The following CDC20B variants were observed in gnomAD, a reference collection of about 807,000 sequenced individuals.
CDC20B encodes the protein cell division cycle 20B.
CDC20B carries 58 observed loss-of-function variants against 64.1 expected under a neutral mutation model. The ratio of observed to expected loss-of-function variants is 0.90; its 90% CI spans 0.73 to 1.13. The LOEUF (loss-of-function observed/expected upper bound fraction) is 1.13. Among genes scored for constraint, CDC20B ranks in the 50% most tolerant of loss-of-function variants. The pLI, the probability that CDC20B is intolerant of heterozygous loss-of-function variation, is 0.00. For missense variants in CDC20B, 597 were observed against 633.0 expected (o/e 0.94, Z 0.61); for synonymous variants, 243 against 230.6 (o/e 1.05, Z -0.49).
At chr5:55,116,441 A>G (rs1742628506) in intron 11 of CDC20B, among the ~76,000 whole-genome samples, 2 of 151,996 alleles carry the variant, frequency 1.3e-5, no homozygotes, top group African/African-American at 4.8e-5. Flanking sequence ...ACATTACTCT[A>G]ATGCTTTTAT....
chr5:55,173,106 G>GGGGACGGGACTCC lies in CDC20B; in HGVS notation c.-107_-106insGGAGTCCCGTCCC. The GGGGACGGGACTCC allele has an allele frequency of 1.1e-6, 1 of 923,304 alleles. No individual in the cohort carries two copies. Among genetic ancestry groups the GGGGACGGGACTCC allele is most frequent in the Non-Finnish European group, 1.7e-6 (1 of 587,846 alleles). The allele number at this position is 923,304 out of a possible 1,614,324, so 57.2% of individuals were successfully genotyped here. On this transcript the variant is annotated 5_prime_UTR_variant, in exon 1 of 12. The change abolishes the stop of an existing upstream ORF in the 5' untranslated region. Transcript: ENST00000381375. The stretch of plus-strand genomic sequence containing the variant: ...TTGACGCCTAATCGTCAAACCCCTG[G>GGGGACGGGACTCC]AGTCCCGTCCCCCAGGACCATTCTA...
At chr5:55,168,638 A>G (rs1561098102) in intron 2 of CDC20B, among the ~76,000 whole-genome samples, 1 of 152,006 alleles carries the variant, frequency 6.6e-6, no homozygotes, top group African/African-American at 2.4e-5. Context: ...TCTTCTGTTT[A>G]TTGAATATAA....
chr5:55,171,970 G>A (rs1004703139), intron 2 of CDC20B, among the ~76,000 whole-genome samples: 2 of 152,180 alleles, frequency 1.3e-5, no homozygotes, highest in Non-Finnish European at 2.9e-5. Flanking sequence ...TAGAATCTCT[G>A]CGTACAGGTC....
At chr5:55,137,814 AT>A (rs1489958849) in intron 5 of CDC20B, among the ~76,000 whole-genome samples, 1 of 152,188 alleles carries the variant, frequency 6.6e-6, no homozygotes, top group Non-Finnish European at 1.5e-5. Flanking sequence ...GAGCCCAATA[AT>A]TTTCTAGACA....
At chr5:55,156,734 C>T (rs1247715388) in intron 2 of CDC20B, among the ~76,000 whole-genome samples, 2 of 152,042 alleles carry the variant, frequency 1.3e-5, no homozygotes, top group African/African-American at 4.8e-5. Flanking sequence ...ATTAGCCGGG[C>T]ATTTTGGCGC....
intron 2 of CDC20B, among the ~76,000 whole-genome samples, chr5:55,151,089 G>GA (rs1743655280): frequency 6.6e-6 from 1 of 152,058 alleles, no homozygotes; most frequent in Non-Finnish European, 1.5e-5. Context: ...TCTCCGCTAA[G>GA]AAAAAAACCG....
Position 55,114,152 on chromosome 5 carries a change from A to T in CDC20B, c.*66T>A. Reference sequence around the variant, plus strand: ...TGATACTCATAAAAACCCCATGGAGAAGACATAGCCAACATCATCATCTTC... The same window carrying T: ...TGATACTCATAAAAACCCCATGGAGTAGACATAGCCAACATCATCATCTTC... On this transcript the variant is annotated 3_prime_UTR_variant, in exon 12 of 12. Coordinates refer to ENST00000381375, the MANE Select transcript of CDC20B (RefSeq NM_001170402.1). The surrounding 1 kb of genome is among the most constrained non-coding windows in gnomAD (Gnocchi z 4.1). 6.4e-7 allele frequency: 1 copy of T among 1,554,644 alleles called. No homozygotes were observed. Among genetic ancestry groups the T allele is most frequent in the South Asian group, 1.2e-5 (1 of 83,588 alleles).
intron 5 of CDC20B, among the ~76,000 whole-genome samples, chr5:55,139,641 TG>T (rs1225925321): frequency 6.6e-6 from 1 of 152,348 alleles, no homozygotes; most frequent in East Asian, 1.9e-4. Context: ...GAATAATAGT[TG>T]TGTAGTAATA....
intron 9 of CDC20B, among the ~76,000 whole-genome samples, chr5:55,124,359 G>A (rs1014415832): frequency 2.6e-5 from 4 of 152,054 alleles, no homozygotes; most frequent in African/African-American, 4.8e-5. Flanking sequence ...CTTATCCAGC[G>A]CCCATCTGGA....
intron 6 of CDC20B, among the ~76,000 whole-genome samples, chr5:55,129,359 T>C (rs1345394619): frequency 6.6e-6 from 1 of 151,748 alleles, no homozygotes; most frequent in Non-Finnish European, 1.5e-5. Context: ...AGTAAGGGAG[T>C]CAAAATTTGG....
chr5:55,169,622 AG>A (rs1744522142), intron 2 of CDC20B, among the ~76,000 whole-genome samples: 7 of 152,366 alleles, frequency 4.6e-5, no homozygotes, highest in Admixed American at 4.6e-4. Context: ...CAGAAAATGA[AG>A]TGAAAGGATT....
intron 1 of CDC20B, 112 bp downstream of exon 1, chr5:55,172,826 G>T (rs920802133): frequency 3.7e-6 from 4 of 1,075,232 alleles, no homozygotes; most frequent in Admixed American, 2.9e-5. Flanking sequence ...TCAAATTTAC[G>T]ACCAGGGCTT....
In CDC20B at chr5:55,146,764, A is replaced by C. The variant is rs781445947; in HGVS notation, c.219T>G (p.Ile73Met). Residue 73 changes from isoleucine (I) to methionine (M), a missense_variant, in exon 3 of 12, where the codon ATT (isoleucine) becomes ATG (methionine). This residue lies in a region of CDC20B where 241 missense variants were observed against 219.2 expected (regional missense o/e 1.10). Transcript: ENST00000381375. ...SAEVPVASSPITTRWQQSQTR... is the reference protein window; with the variant it reads ...SAEVPVASSPMTTRWQQSQTR... ...TTTGACTTTGCTGCCACCTTGTGGT[A>C]ATGGGGCTACTCGCAACAGGAACCT... 4 of 1,614,120 alleles carry C rather than the reference A, an allele frequency of 2.5e-6. No individual in the cohort carries two copies. Among genetic ancestry groups the C allele is most frequent in the Non-Finnish European group, 2.5e-6 (3 of 1,180,018 alleles).
chr5:55,144,106 T>A (rs1039439294), intron 3 of CDC20B, among the ~76,000 whole-genome samples: 1 of 152,198 alleles, frequency 6.6e-6, no homozygotes, highest in African/African-American at 2.4e-5. Context: ...ATGGTCATCC[T>A]GCAAGGAAAA....
At chr5:55,140,059 T>C (rs1743288868) in intron 5 of CDC20B, among the ~76,000 whole-genome samples, 1 of 151,906 alleles carries the variant, frequency 6.6e-6, no homozygotes, top group Non-Finnish European at 1.5e-5. Context: ...GAAATAGTAG[T>C]TTACCAATAT....
chr5:55,150,437 C>A (rs185294302), intron 2 of CDC20B, among the ~76,000 whole-genome samples: 1 of 152,194 alleles, frequency 6.6e-6, no homozygotes, highest in African/African-American at 2.4e-5. Flanking sequence ...GCCTGCAGCC[C>A]CCAGGGGGCG....
In CDC20B at chr5:55,128,432, C is replaced by A; in HGVS notation, c.883G>T (p.Gly295Ter). The stretch of plus-strand genomic sequence containing the variant: ...AAACTGGCCAGTACTTGCACTTCTC[C>A]CTCGCTGGTGCCAACTGCCAGGCAA... ...GTCLAVGTSE[G>*]EVQLWDVVTK... The change falls in exon 7 of 12, where the codon GGA becomes TGA. Residue 295 changes from glycine (G) to a stop codon, truncating the protein, a stop_gained. Coordinates refer to ENST00000381375, the MANE Select transcript of CDC20B (RefSeq NM_001170402.1). LOFTEE classifies it high-confidence loss of function. The A allele has an allele frequency of 6.2e-7, 1 of 1,603,066 alleles. No individual in the cohort carries two copies. The highest frequency in any genetic ancestry group is 8.5e-7 in the Non-Finnish European group (1 of 1,177,050).
chr5:55,120,413 G>GGA lies in CDC20B; in HGVS notation c.1341+10_1341+11dup. On this transcript the variant is annotated intron_variant, in intron 10 of 11. Transcript: ENST00000381375. ...GATCAAAATGAAGATGAAGCCCAGA[G>GGA]GAGATATTAACCTGTGAGTTTGTGC... 1 of 1,613,350 alleles carries GGA rather than the reference G, an allele frequency of 6.2e-7. No homozygotes were observed.
chr5:55,157,310 C>T (rs1743839440), intron 2 of CDC20B, among the ~76,000 whole-genome samples: 1 of 152,156 alleles, frequency 6.6e-6, no homozygotes, highest in Admixed American at 6.5e-5. Context: ...GAGATGATGA[C>T]ATCAAAATGT....
Sources: allele counts gnomAD v4.1 joint callset (sites outside exome capture counted in the v4.1 genomes callset), GRCh38; gene constraint gnomAD v4.1.1; regional missense constraint gnomAD v4.1.1; non-coding constraint Gnocchi (gnomAD v3.1); transcripts MANE v1.5; gene names NCBI Gene and HGNC (gene_info 2026-07-23, HGNC 2026-07-21).